Variants in POLA1 observed in about 807,000 individuals in gnomAD.
POLA1 encodes DNA polymerase alpha 1, catalytic subunit, also known as DNA polymerase alpha catalytic subunit.
Under a neutral mutation model 124.0 loss-of-function variants are expected in POLA1, and 15 were observed. The observed-to-expected ratio is 0.12, with a 90% confidence interval of 0.08 to 0.19. The LOEUF (loss-of-function observed/expected upper bound fraction) is 0.19. POLA1 is among the 10% of genes least tolerant of loss of function. POLA1 has a pLI of 1.00. For missense variants in POLA1, 886 were observed against 1,103.4 expected, an observed-to-expected ratio of 0.80 and a Z score of 2.79; for synonymous variants, 408 against 389.4, an observed-to-expected ratio of 1.05 and a Z score of -0.56.
At chrX:24,749,651 C>A (rs1413958342) in intron 26 of POLA1, among the ~76,000 whole-genome samples, 3 of 111,721 alleles carry the variant, frequency 2.7e-5, no homozygotes, top group African/African-American at 9.8e-5. Context: ...ATTAAGAATT[C>A]TGTCATGGAT....
chrX:24,695,669 G>A (rs929730837), intron 1 of POLA1, among the ~76,000 whole-genome samples: 1 of 110,496 alleles, frequency 9.1e-6, no homozygotes, highest in Non-Finnish European at 1.9e-5. Flanking sequence ...GTAGAGACAG[G>A]GTTTCACCAT....
chrX:24,950,513 C>T (rs891816924), intron 36 of POLA1, among the ~76,000 whole-genome samples: 1 of 112,138 alleles, frequency 8.9e-6, no homozygotes, highest in African/African-American at 3.2e-5. Context: ...CAATAAAGTT[C>T]ATCAAAAGAT....
At chrX:24,969,048 A>G (rs905257536) in intron 36 of POLA1, among the ~76,000 whole-genome samples, 1 of 110,201 alleles carries the variant, frequency 9.1e-6, no homozygotes, top group Admixed American at 9.7e-5. Context: ...CTCTACTAAA[A>G]AATACAAAAA....
chrX:24,724,351 C>T lies in POLA1; in HGVS notation c.1217C>T (p.Thr406Met), dbSNP rs368074893. 64 of 1,103,664 alleles carry T rather than the reference C, an allele frequency of 5.8e-5. No homozygotes were observed. In the Middle Eastern group the frequency reaches 7.3e-4, roughly 13 times the overall value. 91.0% of individuals were successfully genotyped at this position (1,103,664 alleles called of 1,213,427 possible). A position where few individuals can be genotyped will look rare whatever the true frequency, so the allele number is the denominator to read the frequency against. ...LPREMKIDLN[T>M]GKETGTPISM... is the part of the protein sequence containing the mutation. Reference sequence around the variant, plus strand: ...GGATAACAGAAAATTGATCTAAATACGGGGAAAGAAACAGGAACTCCAATT... The same window carrying T: ...GGATAACAGAAAATTGATCTAAATATGGGGAAAGAAACAGGAACTCCAATT... Residue 406 changes from threonine to methionine, a missense_variant, in exon 12 of 37, where the codon ACG becomes ATG. Thr to Met is a moderately conservative substitution (Grantham distance 81). This residue lies in a region of POLA1 where 337 missense variants were observed against 402.8 expected (regional missense o/e 0.84). Coordinates refer to ENST00000379068, the MANE Select transcript of POLA1 (RefSeq NM_001330360.2).
intron 15 of POLA1, among the ~76,000 whole-genome samples, chrX:24,730,453 C>T (rs1230184759): frequency 9.0e-6 from 1 of 111,051 alleles, no homozygotes; most frequent in African/African-American, 3.3e-5. Flanking sequence ...CCCATGTTGG[C>T]CAGGCTAGTC....
At chrX:24,814,387 T>A (rs2045955700) in intron 29 of POLA1, among the ~76,000 whole-genome samples, 1 of 112,152 alleles carries the variant, frequency 8.9e-6, no homozygotes, top group Non-Finnish European at 1.9e-5. Context: ...TTCCTTTGGG[T>A]CTGGTTGAAT....
At chrX:24,726,163 C>CCTG in intron 13 of POLA1, 108 bp downstream of exon 13, 1 of 494,371 alleles carries the variant, frequency 2.0e-6, no homozygotes, top group Non-Finnish European at 3.5e-6. Context: ...CTTCTCAAGC[C>CCTG]CACAGTTCAT....
chrX:24,915,998 G>C (rs1262265218), intron 35 of POLA1, among the ~76,000 whole-genome samples: 2 of 112,236 alleles, frequency 1.8e-5, no homozygotes, highest in Non-Finnish European at 3.8e-5. Context: ...AGGCACTTCT[G>C]TTATAGTCAT....
chrX:24,730,380 A>G lies in POLA1; in HGVS notation c.1687-1990A>G, dbSNP rs767698898. Among the ~76,000 whole-genome samples the G allele has an allele frequency of 1.2e-4, 13 of 111,038 alleles. No individual in the cohort carries two copies. The East Asian group carries it at 3.4e-3, about 29-fold the overall frequency. ...TGCCTCAGCCTCCTGAGTAACTGGA[A>G]TTACAGGTGTGCGTCACCACATGCC... is the stretch of plus-strand genomic sequence containing the variant. On this transcript the variant is annotated intron_variant, in intron 15 of 36. Coordinates refer to ENST00000379068, the MANE Select transcript of POLA1 (RefSeq NM_001330360.2).
Position 24,729,844 on chromosome X carries a change from G to T in POLA1, c.1686+1908G>T, listed in dbSNP as rs777746969. 3.0e-3 allele frequency among the ~76,000 whole-genome samples: 328 copies of T among 108,463 alleles called. 5 individuals carry two copies. Among genetic ancestry groups the T allele is most frequent in the African/African-American group, 0.011 (319 of 29,687 alleles). The allele number at this position is 108,463 out of a possible 115,157, so 94.2% of individuals were successfully genotyped here. A position where few individuals can be genotyped will look rare whatever the true frequency, so the allele number is the denominator to read the frequency against. On this transcript the variant is annotated intron_variant, in intron 15 of 36. Coordinates refer to ENST00000379068, the MANE Select transcript of POLA1 (RefSeq NM_001330360.2). ...TTTTGAGACAGAGTCTTACTCTGTT[G>T]CCCAGGCTAGAGTGCAGTGACATAG...
intron 35 of POLA1, among the ~76,000 whole-genome samples, chrX:24,909,099 A>G (rs2047408440): frequency 8.9e-6 from 1 of 111,801 alleles, no homozygotes; most frequent in South Asian, 3.7e-4. Flanking sequence ...TATTTCTTGT[A>G]AATTTGTTTG....
At chrX:24,883,829 A>C (rs2047032309) in intron 34 of POLA1, among the ~76,000 whole-genome samples, 1 of 111,972 alleles carries the variant, frequency 8.9e-6, no homozygotes, top group African/African-American at 3.2e-5. Flanking sequence ...AAGTGATTCT[A>C]GAGGTTTTTA....
chrX:24,972,108 G>A (rs1454104363), intron 36 of POLA1, among the ~76,000 whole-genome samples: 2 of 110,031 alleles, frequency 1.8e-5, no homozygotes, highest in East Asian at 5.7e-4. Flanking sequence ...AGCTGGGATT[G>A]CAGGTGCCTG....
rs747626770 is a variant in POLA1 at position 24,981,264 on chromosome X, A to G, written c.4262-14541A>G. On this transcript the variant is annotated intron_variant, in intron 36 of 36. Coordinates refer to ENST00000379068, the MANE Select transcript of POLA1 (RefSeq NM_001330360.2). ...AGGGCAGGTGATGGGCCAGAAGCCC[A>G]AGTCAGGATCAGAGCAGTCTTTACT... Among the ~76,000 whole-genome samples, 3 of 112,545 alleles carry G rather than the reference A, an allele frequency of 2.7e-5. No individual in the cohort carries two copies. The South Asian group carries it at 1.1e-3, about 42-fold the overall frequency.
intron 4 of POLA1, among the ~76,000 whole-genome samples, chrX:24,709,464 T>C (rs1340246819): frequency 4.4e-3 from 388 of 88,461 alleles, no homozygotes; most frequent in Non-Finnish European, 6.9e-3. Context: ...CCCTCCCGGA[T>C]GGGGCGGCTG....
chrX:24,717,596 G>A lies in POLA1; in HGVS notation c.925G>A (p.Asp309Asn), dbSNP rs756279236. Reference protein sequence around the residue: ...TVSYLGSFLPDVSCWDIDQEG... With the variant: ...TVSYLGSFLPNVSCWDIDQEG... Reference sequence around the variant, plus strand: ...TTTCTGCAGAGGAAGTTTTCTCCCGGATGTCTCTTGTTGGGACATTGATCA... The same window carrying A: ...TTTCTGCAGAGGAAGTTTTCTCCCGAATGTCTCTTGTTGGGACATTGATCA... Residue 309 changes from aspartate to asparagine, a missense_variant, in exon 10 of 37, where the codon GAT (aspartate) becomes AAT (asparagine). Transcript: ENST00000379068. 2 of 1,209,047 alleles carry A rather than the reference G, an allele frequency of 1.7e-6. No homozygotes were observed. The highest frequency in any genetic ancestry group is 1.7e-5 in the African/African-American group (1 of 57,757).
At chrX:24,903,009 G>A (rs999055677) in intron 35 of POLA1, among the ~76,000 whole-genome samples, 1 of 112,479 alleles carries the variant, frequency 8.9e-6, no homozygotes, top group Admixed American at 9.4e-5. Context: ...ATCTGAAATT[G>A]GAAGGAAAGT....
At position 24,715,179 on chromosome X, in the gene POLA1, C is replaced by T; in HGVS notation, c.501C>T (p.Asp167=). The change falls in exon 6 of 37, where the codon GAC becomes GAT. Residue 167 remains aspartate (D), a synonymous_variant. Transcript: ENST00000379068. ...TGTCCAAGGATGGTCTGCTAGGTGA[C>T]ATTCTACAGGATCTTAACACTGAGG... The part of the protein sequence containing the change: ...VDLSKDGLLG[D]ILQDLNTETP... The T allele has an allele frequency of 8.5e-7, 1 of 1,173,077 alleles. No individual in the cohort carries two copies.
chrX:24,977,750 G>T (rs907498464), intron 36 of POLA1, among the ~76,000 whole-genome samples: 22 of 112,170 alleles, frequency 2.0e-4, no homozygotes, highest in Admixed American at 1.8e-3. Context: ...CTTCTTGTGT[G>T]CTGGTCAGAT....
Sources: allele counts gnomAD v4.1 joint callset (sites outside exome capture counted in the v4.1 genomes callset), GRCh38; gene constraint gnomAD v4.1.1; regional missense constraint gnomAD v4.1.1; transcripts MANE v1.5; gene names NCBI Gene and HGNC (gene_info 2026-07-23, HGNC 2026-07-21).